ID2: variants seen among roughly 807,000 people sequenced by gnomAD.
ID2 encodes the protein inhibitor of DNA binding 2.
ID2 carries 2 observed loss-of-function variants against 8.3 expected under a neutral mutation model. That is an observed-to-expected ratio of 0.24 (90% CI 0.10 to 0.76). The LOEUF (loss-of-function observed/expected upper bound fraction) is 0.76, where lower values mean the gene tolerates loss of function less well. ID2 is among the 30% of genes least tolerant of loss of function. The pLI, the probability that ID2 is intolerant of heterozygous loss-of-function variation, is 0.73. For missense variants in ID2, 155 were observed against 167.0 expected (o/e 0.93, Z 0.40); for synonymous variants, 112 against 72.3 (o/e 1.55, Z -2.79).
At chr2:8,683,631 C>T (rs560855290) in intron 2 of ID2, 54 bp from the exon 3 acceptor site, 2 of 152,404 alleles carry the variant, frequency 1.3e-5, no homozygotes, top group African/African-American at 4.8e-5. Flanking sequence ...TCGCCCGCCT[C>T]TGCCCTTAGG....
rs1214331964 is a variant in ID2, at chr2:8,684,066, A to G, written c.*389A>G. On this transcript the variant is annotated 3_prime_UTR_variant, in exon 3 of 3. Transcript: ENST00000396290. ...AAGGATCCAGTATTCAGTCACTTAA[A>G]TGAAGTCTTTTGGTCAGAAATTACC... 4 of 152,452 alleles carry G rather than the reference A, an allele frequency of 2.6e-5. No individual in the cohort carries two copies. In the East Asian group the frequency reaches 7.8e-4, roughly 30 times the overall value. 9.4% of individuals were successfully genotyped at this position (152,452 alleles called of 1,614,324 possible). A position where few individuals can be genotyped will look rare whatever the true frequency, so the allele number is the denominator to read the frequency against.
Position 8,682,088 on chromosome 2 carries a change from A to T in ID2, c.-78A>T, listed in dbSNP as rs1007250969. 8.4e-7 allele frequency: 1 copy of T among 1,184,696 alleles called. No individual in the cohort carries two copies. Among genetic ancestry groups the T allele is most frequent in the East Asian group, 2.3e-5 (1 of 42,646 alleles). 73.4% of individuals were successfully genotyped at this position (1,184,696 alleles called of 1,614,324 possible). ...GCCGAGCCCGGTGCCAAGCGCAGCT[A>T]GCTCAGCAGGCGGCAGCGGCGGCCT... On this transcript the variant is annotated 5_prime_UTR_variant, in exon 1 of 3. Coordinates refer to ENST00000396290, the MANE Select transcript of ID2 (RefSeq NM_002166.5).
In ID2 at chr2:8,683,943, A is replaced by T. The variant is rs1158515610; in HGVS notation, c.*266A>T. 1 of 152,554 alleles carries T rather than the reference A, an allele frequency of 6.6e-6. No homozygotes were observed. Among genetic ancestry groups the T allele is most frequent in the African/African-American group, 2.4e-5 (1 of 41,450 alleles). 9.5% of individuals were successfully genotyped at this position (152,554 alleles called of 1,614,324 possible). On this transcript the variant is annotated 3_prime_UTR_variant, in exon 3 of 3. Transcript: ENST00000396290. The stretch of plus-strand genomic sequence containing the variant: ...TGCAGTTGGAAGGTTTTCTTTATAT[A>T]CTATTCCCACCATGGGGAGCGAAAA...
chr2:8,682,114 G>C lies in ID2; in HGVS notation c.-52G>C. 2 of 1,466,544 alleles carry C rather than the reference G, an allele frequency of 1.4e-6. No homozygotes were observed. Among genetic ancestry groups the C allele is most frequent in the Non-Finnish European group, 1.9e-6 (2 of 1,062,280 alleles). The allele number at this position is 1,466,544 out of a possible 1,614,324, so 90.8% of individuals were successfully genotyped here. A position where few individuals can be genotyped will look rare whatever the true frequency, so the allele number is the denominator to read the frequency against. On this transcript the variant is annotated 5_prime_UTR_variant, in exon 1 of 3. Transcript: ENST00000396290. ...GCTCAGCAGGCGGCAGCGGCGGCCT[G>C]AGCTTCAGGGCAGCCAGCTCCCTCC...
chr2:8,682,635 T>A (rs995584598), intron 1 of ID2, 122 bp downstream of exon 1: 4 of 761,062 alleles, frequency 5.3e-6, no homozygotes, highest in East Asian at 2.6e-5. Flanking sequence ...TTTATTTTCT[T>A]CAGAATCTGC....
chr2:8,682,762 C>CAAA (rs373887089), intron 1 of ID2, 81 bp from the exon 2 acceptor site: 613 of 745,686 alleles, frequency 8.2e-4, no homozygotes, highest in Admixed American at 1.7e-3. Context: ...CTGTGGACTA[C>CAAA]AAAAAAAAAA....
In ID2 at chr2:8,682,889, T is replaced by C; in HGVS notation, c.395T>C (p.Leu132Pro). The C allele has an allele frequency of 6.2e-7, 1 of 1,613,958 alleles. No homozygotes were observed. The highest frequency in any genetic ancestry group is 8.5e-7 in the Non-Finnish European group (1 of 1,179,804). Reference sequence around the variant, plus strand: ...TTAATGTCAAATGACAGCAAAGCACTGTGTGGCTGAATAAGCGGTGAGTGT... The same window carrying C: ...TTAATGTCAAATGACAGCAAAGCACCGTGTGGCTGAATAAGCGGTGAGTGT... ...SELMSNDSKA[L>P]CG The change falls in exon 2 of 3, where the codon CTG becomes CCG. Residue 132 changes from leucine (L) to proline (P), a missense_variant. Leu to Pro is a moderately conservative substitution (Grantham distance 98). Transcript: ENST00000396290.
chr2:8,682,614 A>C, intron 1 of ID2, 101 bp downstream of exon 1: 1 of 853,910 alleles, frequency 1.2e-6, no homozygotes, highest in South Asian at 1.6e-5. Context: ...CTTTCGTATG[A>C]GCTATTTAAC....
chr2:8,682,308 A>C lies in ID2; in HGVS notation c.143A>C (p.Glu48Ala). ...NMNDCYSKLK[E>A]LVPSIPQNKK... ...AACGACTGCTACTCCAAGCTCAAGG[A>C]GCTGGTGCCCAGCATCCCCCAGAAC... Residue 48 changes from glutamate to alanine, a missense_variant, in exon 1 of 3, where the codon GAG becomes GCG. Around this residue, in one of 3 missense-constraint regions of ID2, gnomAD observed 73 missense variants for 72.2 expected, o/e 1.01. Coordinates refer to ENST00000396290, the MANE Select transcript of ID2 (RefSeq NM_002166.5). 2 of 1,614,156 alleles carry C rather than the reference A, an allele frequency of 1.2e-6. No homozygotes were observed. Among genetic ancestry groups the C allele is most frequent in the Non-Finnish European group, 1.7e-6 (2 of 1,180,012 alleles).
rs1226744582 is a variant in ID2, at chr2:8,682,446, G to A, written c.281G>A (p.Gly94Glu). The A allele has an allele frequency of 1.2e-6, 2 of 1,613,426 alleles. No homozygotes were observed. The highest frequency in any genetic ancestry group is 1.1e-5 in the South Asian group (1 of 91,088). Residue 94 changes from glycine (G) to glutamate (E), a missense_variant, in exon 1 of 3, where the codon GGG (glycine) becomes GAG (glutamate). By Grantham distance (98) the Gly-to-Glu change is moderately conservative. Around this residue, in one of 3 missense-constraint regions of ID2, gnomAD observed 75 missense variants for 72.2 expected, o/e 1.04. Transcript: ENST00000396290. ...TIVSLHHQRPGQNQASRTPLT... is the reference protein window; with the variant it reads ...TIVSLHHQRPEQNQASRTPLT... ...GTCAGCCTGCATCACCAGAGACCCG[G>A]GCAGAACCAGGCGTCCAGGACGCCG...
At chr2:8,683,036 C>T (rs1410129511) in intron 2 of ID2, 130 bp downstream of exon 2, 12 of 753,260 alleles carry the variant, frequency 1.6e-5, no homozygotes, top group African/African-American at 1.0e-4. Flanking sequence ...CGCGGTGTTA[C>T]CCGTACTACA....
Position 8,682,344 on chromosome 2 carries a change from G to C in ID2, c.179G>C (p.Ser60Thr), listed in dbSNP as rs1662104418. 6.2e-7 allele frequency: 1 copy of C among 1,614,068 alleles called. No individual in the cohort carries two copies. The highest frequency in any genetic ancestry group is 2.2e-5 in the East Asian group (1 of 44,888). Residue 60 changes from serine to threonine, a missense_variant, in exon 1 of 3, where the codon AGC (serine) becomes ACC (threonine). By Grantham distance (58) the Ser-to-Thr change is moderately conservative (BLOSUM62 1). Coordinates refer to ENST00000396290, the MANE Select transcript of ID2 (RefSeq NM_002166.5). ...VPSIPQNKKV[S>T]KMEILQHVID... ...AGCATCCCCCAGAACAAGAAGGTGAGCAAGATGGAAATCCTGCAGCACGTC... is the reference window on the plus strand; with the variant it reads ...AGCATCCCCCAGAACAAGAAGGTGACCAAGATGGAAATCCTGCAGCACGTC...
Position 8,682,153 on chromosome 2 carries a change from C to G in ID2, c.-13C>G. 6.2e-7 allele frequency: 1 copy of G among 1,606,496 alleles called. No homozygotes were observed. The highest frequency in any genetic ancestry group is 8.5e-7 in the Non-Finnish European group (1 of 1,175,496). On this transcript the variant is annotated 5_prime_UTR_variant, in exon 1 of 3. Transcript: ENST00000396290. ...CCAGCTCCCTCCCGGTCTCGCCTTCCCTCGCGGTCAGCATGAAAGCCTTCA... is the reference window on the plus strand; with the variant it reads ...CCAGCTCCCTCCCGGTCTCGCCTTCGCTCGCGGTCAGCATGAAAGCCTTCA...
At chr2:8,682,963 G>A in intron 2 of ID2, 57 bp downstream of exon 2, 1 of 1,300,798 alleles carries the variant, frequency 7.7e-7, no homozygotes, top group Non-Finnish European at 1.1e-6. Flanking sequence ...GTGTGCGCGC[G>A]CGCGCATGTG....
chr2:8,682,494 T>A lies in ID2; in HGVS notation c.329T>A (p.Ile110Asn). 1 of 1,612,898 alleles carries A rather than the reference T, an allele frequency of 6.2e-7. No individual in the cohort carries two copies. Among genetic ancestry groups the A allele is most frequent in the Non-Finnish European group, 8.5e-7 (1 of 1,179,818 alleles). ...RTPLTTLNTD[I>N]SILSLQASEF... ...CCGCTGACCACCCTCAACACGGATA[T>A]CAGCATCCTGTCCTTGCAGGTAAGA... Residue 110 changes from isoleucine to asparagine, a missense_variant, in exon 1 of 3, where the codon ATC becomes AAC. By Grantham distance (149) the Ile-to-Asn change is moderately radical. Around this residue, in one of 3 missense-constraint regions of ID2, gnomAD observed 75 missense variants for 72.2 expected, o/e 1.04. Coordinates refer to ENST00000396290, the MANE Select transcript of ID2 (RefSeq NM_002166.5).
At chr2:8,682,622 AACTTT>A (rs1393886602) in intron 1 of ID2, 109 bp downstream of exon 1, 1 of 814,788 alleles carries the variant, frequency 1.2e-6, no homozygotes, top group Non-Finnish European at 1.9e-6. Context: ...TGAGCTATTT[AACTTT>A]ATTTTCTTCA....
intron 2 of ID2, 130 bp downstream of exon 2, chr2:8,683,036 C>A: frequency 4.0e-6 from 3 of 753,378 alleles, no homozygotes; most frequent in Non-Finnish European, 7.3e-6. Flanking sequence ...CGCGGTGTTA[C>A]CCGTACTACA....
chr2:8,683,102 A>T (rs1489893262), intron 2 of ID2, 196 bp downstream of exon 2: 2 of 597,048 alleles, frequency 3.3e-6, no homozygotes, highest in African/African-American at 3.7e-5. Flanking sequence ...ATCACAGAAC[A>T]TTTTCCTTTA....
At chr2:8,682,796 A>G (rs781690525) in intron 1 of ID2, 47 bp from the exon 2 acceptor site, 3 of 1,345,918 alleles carry the variant, frequency 2.2e-6, no homozygotes, top group South Asian at 1.2e-5. Flanking sequence ...AACCCTTTCT[A>G]CTTAACATTG....
Sources: allele counts gnomAD v4.1 joint callset, GRCh38; gene constraint gnomAD v4.1.1; regional missense constraint gnomAD v4.1.1; transcripts MANE v1.5; gene names NCBI Gene and HGNC (gene_info 2026-07-23, HGNC 2026-07-21).